UVRAG: variants seen among roughly 807,000 people sequenced by gnomAD.
UVRAG encodes UV radiation resistance associated, also known as UV radiation resistance-associated gene protein.
A neutral mutation model predicts 78.0 loss-of-function variants in UVRAG; 19 were observed. The observed-to-expected ratio is 0.24, with a 90% CI of 0.17 to 0.36. The LOEUF (loss-of-function observed/expected upper bound fraction) is 0.36, where lower values mean the gene tolerates loss of function less well. Among genes scored for constraint, UVRAG ranks in the 10% least tolerant of loss-of-function variants. The pLI, the probability that UVRAG is intolerant of heterozygous loss-of-function variation, is 1.00. For missense variants in UVRAG, 740 were observed against 853.8 expected, an observed-to-expected ratio of 0.87 and a Z score of 1.66; for synonymous variants, 323 against 324.6, an observed-to-expected ratio of 1.00 and a Z score of 0.05.
intron 1 of UVRAG, among the ~76,000 whole-genome samples, chr11:75,818,109 A>G (rs78607900): frequency 0.038 from 5,702 of 151,932 alleles, 342 homozygotes; most frequent in African/African-American, 0.13. Flanking sequence ...AAACCCCAAA[A>G]TTATTAACAT....
At chr11:75,876,668 T>G (rs1946787793) in intron 3 of UVRAG, among the ~76,000 whole-genome samples, 1 of 143,862 alleles carries the variant, frequency 7.0e-6, no homozygotes, top group Admixed American at 7.2e-5. Flanking sequence ...TATTTCAGTG[T>G]CCTCTCCCAC....
At chr11:76,119,727 A>G (rs1591258906) in intron 14 of UVRAG, among the ~76,000 whole-genome samples, 1 of 152,190 alleles carries the variant, frequency 6.6e-6, no homozygotes, top group East Asian at 1.9e-4. Flanking sequence ...TGCTATTGCC[A>G]CTCCAGTCCA....
intron 5 of UVRAG, chr11:75,892,454 A>G (rs972948020): frequency 2.2e-6 from 2 of 928,862 alleles, no homozygotes; most frequent in Non-Finnish European, 2.6e-6. Context: ...CTATGCTGGC[A>G]CTATTCTAAA....
At chr11:75,985,475 A>G (rs1200373364) in intron 8 of UVRAG, among the ~76,000 whole-genome samples, 2 of 152,038 alleles carry the variant, frequency 1.3e-5, no homozygotes, top group Non-Finnish European at 2.9e-5. Context: ...GCATATGCTT[A>G]AAAATATATT....
chr11:75,829,447 A>C (rs1945605641), intron 1 of UVRAG, among the ~76,000 whole-genome samples: 1 of 152,200 alleles, frequency 6.6e-6, no homozygotes, highest in Non-Finnish European at 1.5e-5. Context: ...AGACTTTCTT[A>C]ACTATGACCC....
chr11:76,053,480 A>G (rs569672629), intron 12 of UVRAG, among the ~76,000 whole-genome samples: 3 of 152,038 alleles, frequency 2.0e-5, no homozygotes, highest in Non-Finnish European at 4.4e-5. Context: ...GTAACAATCA[A>G]TCCATCACAA....
intron 13 of UVRAG, among the ~76,000 whole-genome samples, chr11:76,115,630 A>T (rs1269478958): frequency 6.6e-6 from 1 of 152,200 alleles, no homozygotes; most frequent in African/African-American, 2.4e-5. Flanking sequence ...AAATATCCTC[A>T]TTCCACAGTT....
chr11:75,888,758 G>A, intron 4 of UVRAG, 71 bp from the exon 5 acceptor site: 1 of 1,320,084 alleles, frequency 7.6e-7, no homozygotes, highest in South Asian at 1.3e-5. Context: ...TGTTGTAACT[G>A]TCATTCTCTG....
intron 1 of UVRAG, among the ~76,000 whole-genome samples, chr11:75,822,254 T>C (rs1945410252): frequency 6.6e-6 from 1 of 152,232 alleles, no homozygotes; most frequent in Non-Finnish European, 1.5e-5. Context: ...GATTTATCAC[T>C]GTTGATTCTA....
intron 13 of UVRAG, among the ~76,000 whole-genome samples, chr11:76,113,155 G>A (rs543129838): frequency 6.6e-6 from 1 of 152,290 alleles, no homozygotes; most frequent in Admixed American, 6.5e-5. Flanking sequence ...ACATGGCTCA[G>A]CAGTGAACAG....
intron 6 of UVRAG, chr11:75,942,022 A>G (rs1263043890): frequency 6.6e-6 from 1 of 152,300 alleles, no homozygotes; most frequent in South Asian, 2.1e-4. Context: ...AGAATTAAAA[A>G]TGTAAGGCAT....
intron 12 of UVRAG, among the ~76,000 whole-genome samples, chr11:76,037,361 A>G (rs1045382130): frequency 2.6e-5 from 4 of 152,094 alleles, no homozygotes; most frequent in Admixed American, 1.3e-4. Context: ...AAAGCATTCA[A>G]TAAAATTAGA....
chr11:75,887,991 T>C (rs189626292), intron 4 of UVRAG, among the ~76,000 whole-genome samples: 3 of 152,300 alleles, frequency 2.0e-5, no homozygotes, highest in Admixed American at 6.5e-5. Context: ...CAGACAATAA[T>C]AGAAGAGAGT....
chr11:76,008,705 T>C (rs932366389), intron 10 of UVRAG, 102 bp from the exon 11 acceptor site: 5 of 580,594 alleles, frequency 8.6e-6, no homozygotes, highest in Admixed American at 3.1e-5. Flanking sequence ...ATACTTGGAG[T>C]TTAGAACAGT....
intron 14 of UVRAG, among the ~76,000 whole-genome samples, chr11:76,125,549 A>G (rs1396609731): frequency 6.6e-6 from 1 of 152,176 alleles, no homozygotes; most frequent in Non-Finnish European, 1.5e-5. Flanking sequence ...GCCTCCAGTC[A>G]GGATGGAGAA....
intron 14 of UVRAG, 70 bp from the exon 15 acceptor site, chr11:76,140,641 C>A: frequency 7.0e-7 from 1 of 1,426,152 alleles, no homozygotes; most frequent in Middle Eastern, 2.0e-4. Context: ...TGTTCCCTGT[C>A]TCTGGATCCA....
At chr11:75,840,254 T>A (rs1207303131) in intron 1 of UVRAG, among the ~76,000 whole-genome samples, 1 of 152,062 alleles carries the variant, frequency 6.6e-6, no homozygotes, top group Non-Finnish European at 1.5e-5. Flanking sequence ...GATCATATAC[T>A]CTGAAATTAG....
intron 6 of UVRAG, among the ~76,000 whole-genome samples, chr11:75,917,407 A>G (rs1444167999): frequency 2.0e-5 from 3 of 152,192 alleles, no homozygotes; most frequent in African/African-American, 4.8e-5. Flanking sequence ...CTGTCCTTCT[A>G]TCTTACCAAT....
intron 12 of UVRAG, among the ~76,000 whole-genome samples, chr11:76,033,981 G>T (rs1441707930): frequency 3.3e-5 from 5 of 151,904 alleles, no homozygotes; most frequent in Non-Finnish European, 7.4e-5. Context: ...CTCAATCCTG[G>T]TTATATACTA....
Sources: allele counts gnomAD v4.1 joint callset (sites outside exome capture counted in the v4.1 genomes callset), GRCh38; gene constraint gnomAD v4.1.1; transcripts MANE v1.5; gene names NCBI Gene and HGNC (gene_info 2026-07-23, HGNC 2026-07-21).